The following AVL9 variants were observed in gnomAD, a reference collection of about 807,000 sequenced individuals.
AVL9 encodes the protein late secretory pathway protein AVL9 homolog.
AVL9 carries 49 observed loss-of-function variants against 79.2 expected under a neutral mutation model. That is an observed-to-expected ratio of 0.62 (90% CI 0.49 to 0.79). AVL9 has a LOEUF of 0.79. Among genes scored for constraint, AVL9 ranks in the 30% least tolerant of loss-of-function variants. The pLI, the probability that AVL9 is intolerant of heterozygous loss-of-function variation, is 0.00. For synonymous variants in AVL9, 299 were observed against 280.6 expected (o/e 1.07, Z -0.65); for missense variants, 682 against 776.8 (o/e 0.88, Z 1.45).
At chr7:32,506,391 G>T (rs1318861971) in intron 1 of AVL9, among the ~76,000 whole-genome samples, 7 of 152,096 alleles carry the variant, frequency 4.6e-5, no homozygotes, top group Admixed American at 3.3e-4. Flanking sequence ...CAGTCAATCC[G>T]ATAACTAAGA....
chr7:32,578,647 A>T (rs1299202295), intron 13 of AVL9, among the ~76,000 whole-genome samples: 1 of 152,060 alleles, frequency 6.6e-6, no homozygotes, highest in African/African-American at 2.4e-5. Flanking sequence ...GTCTCTACTA[A>T]AAATACAAAA....
In AVL9 at chr7:32,550,149, C is replaced by T. The variant is rs1171132088; in HGVS notation, c.373-1185C>T. ...CATGTTAAGAGGCTTCCTGAGTAAT[C>T]ATTCTTCAAAGGACGATTACAATAA... On this transcript the variant is annotated intron_variant, in intron 4 of 15. Transcript: ENST00000318709. Among the ~76,000 whole-genome samples, 4 of 152,256 alleles carry T rather than the reference C, an allele frequency of 2.6e-5. No individual in the cohort carries two copies. The East Asian group carries it at 7.7e-4, about 29-fold the overall frequency.
intron 1 of AVL9, among the ~76,000 whole-genome samples, chr7:32,526,407 C>G (rs1295825559): frequency 6.6e-6 from 1 of 152,120 alleles, no homozygotes; most frequent in African/African-American, 2.4e-5. Context: ...CAAGAAGAGA[C>G]AAACCGGGTT....
Position 32,559,059 on chromosome 7 carries a change from A to C in AVL9, c.810A>C (p.Ser270=). ...TTTCTGCATCCACTGCTGATGTTTC[A>C]CATACCAACTTGGGAACTATCAGGA... is the stretch of plus-strand genomic sequence containing the variant. The part of the protein sequence containing the change: ...DFVSASTADV[S]HTNLGTIRKV... The change falls in exon 10 of 16, where the codon TCA becomes TCC. Residue 270 remains serine (S), a synonymous_variant. Coordinates refer to ENST00000318709, the MANE Select transcript of AVL9 (RefSeq NM_015060.3). The C allele has an allele frequency of 2.5e-6, 4 of 1,614,158 alleles. No homozygotes were observed. Among genetic ancestry groups the C allele is most frequent in the Non-Finnish European group, 3.4e-6 (4 of 1,179,998 alleles).
intron 8 of AVL9, among the ~76,000 whole-genome samples, chr7:32,556,519 A>AAATAAATAAATG (rs111960786): frequency 6.7e-6 from 1 of 149,578 alleles, no homozygotes; most frequent in African/African-American, 2.5e-5. Context: ...ATCTCAAAGT[A>AAATAAATAAATG]AATGAATGAA....
chr7:32,577,918 G>C (rs541874070), intron 13 of AVL9, among the ~76,000 whole-genome samples: 8 of 152,314 alleles, frequency 5.3e-5, no homozygotes, highest in South Asian at 2.1e-4. Context: ...TGGAAAGTCA[G>C]CTGACAAAAG....
chr7:32,567,269 T>G (rs749462015), intron 10 of AVL9, among the ~76,000 whole-genome samples: 4 of 152,128 alleles, frequency 2.6e-5, no homozygotes, highest in Admixed American at 6.5e-5. Context: ...ACCTGGCTAA[T>G]TTTTGTATTA....
At chr7:32,536,144 G>T (rs376711179) in intron 1 of AVL9, 1 of 151,934 alleles carries the variant, frequency 6.6e-6, no homozygotes, top group Non-Finnish European at 1.5e-5. Flanking sequence ...ATTGGTTTTC[G>T]TCTGTGGTTT....
At chr7:32,548,144 C>CTGTCTTTTTTT (rs1227025763) in intron 3 of AVL9, among the ~76,000 whole-genome samples, 3 of 57,598 alleles carry the variant, frequency 5.2e-5, no homozygotes, top group African/African-American at 1.6e-4. Flanking sequence ...TTTGTCATCT[C>CTGTCTTTTTTT]TTTTTTCTTT....
intron 10 of AVL9, among the ~76,000 whole-genome samples, chr7:32,564,519 A>T (rs903251525): frequency 6.6e-6 from 1 of 152,194 alleles, no homozygotes; most frequent in African/African-American, 2.4e-5. Context: ...TTGCTGAAGT[A>T]GAGTAGTTAT....
chr7:32,560,885 C>T (rs1234964283), intron 10 of AVL9, among the ~76,000 whole-genome samples: 1 of 152,210 alleles, frequency 6.6e-6, no homozygotes, highest in African/African-American at 2.4e-5. Flanking sequence ...CATTAATCTC[C>T]TTGTACATCT....
chr7:32,497,653 C>CTTTTTTTTT (rs59504023), intron 1 of AVL9, among the ~76,000 whole-genome samples: 2 of 117,104 alleles, frequency 1.7e-5, no homozygotes, highest in Non-Finnish European at 3.6e-5. Context: ...ACCATTAGTT[C>CTTTTTTTTT]TTTTTTTTTT....
At chr7:32,529,145 C>CTAAATGACTAATT (rs1788529362) in intron 1 of AVL9, among the ~76,000 whole-genome samples, 1 of 152,204 alleles carries the variant, frequency 6.6e-6, no homozygotes, top group African/African-American at 2.4e-5. Context: ...CTTTCATTAG[C>CTAAATGACTAATT]AGTCCATGAA....
At chr7:32,516,656 T>C (rs1295286149) in intron 1 of AVL9, among the ~76,000 whole-genome samples, 8 of 151,586 alleles carry the variant, frequency 5.3e-5, no homozygotes, top group Non-Finnish European at 1.5e-5. Flanking sequence ...CTTTGAGCCC[T>C]CCTGGAGGTG....
chr7:32,538,023 T>C (rs972622001), intron 1 of AVL9: 11 of 152,236 alleles, frequency 7.2e-5, no homozygotes, highest in Non-Finnish European at 1.0e-4. Context: ...ATTTTACCCA[T>C]GGAATTCTTG....
chr7:32,584,586 G>A lies in AVL9; in HGVS notation c.*679G>A, dbSNP rs1327612651. 1 of 152,858 alleles carries A rather than the reference G, an allele frequency of 6.5e-6. No individual in the cohort carries two copies. Among genetic ancestry groups the A allele is most frequent in the African/African-American group, 2.4e-5 (1 of 41,416 alleles). The allele number at this position is 152,858 out of a possible 1,614,324, so 9.5% of individuals were successfully genotyped here. On this transcript the variant is annotated 3_prime_UTR_variant, in exon 16 of 16. Coordinates refer to ENST00000318709, the MANE Select transcript of AVL9 (RefSeq NM_015060.3). ...CTTTCCTCCTCTTTATAACTGTGCA[G>A]GTGGGTGTGCAGAGAAATAGCAGAG... is the stretch of plus-strand genomic sequence containing the variant.
intron 13 of AVL9, among the ~76,000 whole-genome samples, chr7:32,579,538 A>T (rs995586874): frequency 0.011 from 46 of 4,092 alleles, 15 homozygotes; most frequent in African/African-American, 0.051. Context: ...ATATTATATT[A>T]TATATTATAT....
intron 3 of AVL9, among the ~76,000 whole-genome samples, chr7:32,546,035 G>C (rs954846869): frequency 7.1e-6 from 1 of 140,842 alleles, no homozygotes; most frequent in Admixed American, 7.6e-5. Context: ...CCACTGCTCT[G>C]AAACAATGAT....
At chr7:32,534,221 C>T (rs1053870301) in intron 1 of AVL9, 23 of 152,082 alleles carry the variant, frequency 1.5e-4, no homozygotes, top group African/African-American at 4.1e-4. Context: ...CCTCTTCTCC[C>T]TTAGTAATCT....
Sources: gnomAD v4.1 joint callset for allele counts (sites outside exome capture counted in the v4.1 genomes callset) on GRCh38, gnomAD v4.1.1 for gene constraint, MANE v1.5 for transcripts, NCBI Gene and HGNC (gene_info 2026-07-23, HGNC 2026-07-21) for gene names.